Variants in TMEM163 observed in about 807,000 individuals in gnomAD.
TMEM163 encodes the protein transmembrane protein 163.
A neutral mutation model predicts 29.3 loss-of-function variants in TMEM163; 17 were observed. The observed-to-expected ratio is 0.58, with a 90% CI of 0.40 to 0.87. TMEM163 has a LOEUF of 0.87. Ranked by LOEUF, TMEM163 falls within the 40% of genes least tolerant of loss-of-function variation. The pLI, the probability that TMEM163 is intolerant of heterozygous loss-of-function variation, is 0.00. For missense variants in TMEM163, 303 were observed against 381.5 expected (o/e 0.79, Z 1.71); for synonymous variants, 157 against 160.6 (o/e 0.98, Z 0.17).
At chr2:134,649,192 AAACT>A (rs1349300664) in intron 2 of TMEM163, among the ~76,000 whole-genome samples, 1 of 152,240 alleles carries the variant, frequency 6.6e-6, no homozygotes, top group Non-Finnish European at 1.5e-5. Flanking sequence ...TAAAATTATC[AAACT>A]CACTAAAAAA....
chr2:134,530,965 T>C (rs545932367), intron 4 of TMEM163, among the ~76,000 whole-genome samples: 1 of 152,346 alleles, frequency 6.6e-6, no homozygotes, highest in South Asian at 2.1e-4. Context: ...CATATCCTTT[T>C]CTACATTTCC....
intron 4 of TMEM163, among the ~76,000 whole-genome samples, chr2:134,527,585 GAC>G (rs1036703976): frequency 6.6e-6 from 1 of 152,160 alleles, no homozygotes; most frequent in Non-Finnish European, 1.5e-5. Context: ...AAAAGTATGT[GAC>G]AGTGAGCCCA....
chr2:134,522,786 G>A (rs1421316777), intron 4 of TMEM163, among the ~76,000 whole-genome samples: 1 of 152,206 alleles, frequency 6.6e-6, no homozygotes, highest in African/African-American at 2.4e-5. Flanking sequence ...ACTGTTACAA[G>A]TACCCCATTT....
At chr2:134,706,502 C>T (rs1015936392) in intron 2 of TMEM163, among the ~76,000 whole-genome samples, 1 of 152,126 alleles carries the variant, frequency 6.6e-6, no homozygotes, top group African/African-American at 2.4e-5. Context: ...TATTGTGCAT[C>T]GAGTTCCTGA....
intron 2 of TMEM163, among the ~76,000 whole-genome samples, chr2:134,620,358 G>A (rs917528702): frequency 2.6e-5 from 4 of 151,858 alleles, no homozygotes; most frequent in African/African-American, 9.7e-5. Flanking sequence ...CCGGGTTCAA[G>A]CGCTTCTCCT....
At chr2:134,674,125 AAACAC>A (rs954898792) in intron 2 of TMEM163, among the ~76,000 whole-genome samples, 19 of 152,258 alleles carry the variant, frequency 1.2e-4, no homozygotes, top group Admixed American at 7.8e-4. Flanking sequence ...TTATGTGAAC[AAACAC>A]ATACTTTTGT....
chr2:134,635,857 T>C (rs1683091804), intron 2 of TMEM163, among the ~76,000 whole-genome samples: 1 of 152,026 alleles, frequency 6.6e-6, no homozygotes, highest in African/African-American at 2.4e-5. Context: ...ACCGTGTGGG[T>C]GTGGACACAT....
intron 5 of TMEM163, among the ~76,000 whole-genome samples, chr2:134,489,302 G>A (rs1288243870): frequency 6.6e-6 from 1 of 151,892 alleles, no homozygotes; most frequent in East Asian, 1.9e-4. Context: ...GGCCAGGCGT[G>A]ATGATGATGG....
At chr2:134,549,441 G>A (rs984134835) in intron 4 of TMEM163, among the ~76,000 whole-genome samples, 8 of 152,134 alleles carry the variant, frequency 5.3e-5, no homozygotes, top group African/African-American at 1.9e-4. Context: ...TCCACCTCCT[G>A]GGTTCAAGCA....
At chr2:134,613,963 A>G (rs1048017539) in intron 2 of TMEM163, among the ~76,000 whole-genome samples, 3 of 152,074 alleles carry the variant, frequency 2.0e-5, no homozygotes, top group African/African-American at 7.2e-5. Flanking sequence ...TTTTTTTTGT[A>G]GATATAGACA....
At chr2:134,523,473 T>C (rs1178981567) in intron 4 of TMEM163, among the ~76,000 whole-genome samples, 1 of 152,160 alleles carries the variant, frequency 6.6e-6, no homozygotes, top group Non-Finnish European at 1.5e-5. Context: ...TTAGAAAAAA[T>C]GCTTAAAAAG....
At chr2:134,682,203 A>C (rs1684261783) in intron 2 of TMEM163, among the ~76,000 whole-genome samples, 1 of 151,744 alleles carries the variant, frequency 6.6e-6, no homozygotes, top group South Asian at 2.1e-4. Context: ...CACATACAAC[A>C]CTCTTCTCAG....
At chr2:134,670,633 G>A (rs2104866324) in intron 2 of TMEM163, among the ~76,000 whole-genome samples, 1 of 152,312 alleles carries the variant, frequency 6.6e-6, no homozygotes, top group Admixed American at 6.5e-5. Context: ...ATGGCTGTGG[G>A]CAACAGCAGC....
chr2:134,641,282 C>T (rs1332890599), intron 2 of TMEM163, among the ~76,000 whole-genome samples: 2 of 152,084 alleles, frequency 1.3e-5, no homozygotes, highest in South Asian at 2.1e-4. Context: ...ACTGAATAGT[C>T]GACTGTAAGA....
intron 4 of TMEM163, among the ~76,000 whole-genome samples, chr2:134,517,950 G>GA (rs11307207): frequency 0.012 from 1,779 of 148,702 alleles, 14 homozygotes; most frequent in African/African-American, 0.02. Flanking sequence ...TTGTCAGATG[G>GA]AAAAAAAAAA....
rs141842435 is a variant in TMEM163 at position 134,543,107 on chromosome 2, G to A, written c.458+7463C>T. ...AGGACTTCAACATATCTTTTACGGG[G>A]ACACAATTTAGCCCATAACAGGAAC... is the stretch of plus-strand genomic sequence containing the variant. On this transcript the variant is annotated intron_variant, in intron 4 of 7. Transcript: ENST00000281924. Among the ~76,000 whole-genome samples the A allele has an allele frequency of 5.9e-5, 9 of 152,130 alleles. No individual in the cohort carries two copies. In the East Asian group the frequency reaches 1.7e-3, roughly 29 times the overall value.
At chr2:134,682,400 C>T (rs994567262) in intron 2 of TMEM163, among the ~76,000 whole-genome samples, 9 of 152,198 alleles carry the variant, frequency 5.9e-5, no homozygotes, top group African/African-American at 2.2e-4. Context: ...AAAGCTGTGT[C>T]TCAGTCTGCT....
At chr2:134,582,258 C>T (rs1168395411) in intron 2 of TMEM163, among the ~76,000 whole-genome samples, 1 of 152,116 alleles carries the variant, frequency 6.6e-6, no homozygotes, top group Non-Finnish European at 1.5e-5. Context: ...CCCAAATCCC[C>T]CAAAGAGCAT....
At chr2:134,519,229 A>C (rs915157018) in intron 4 of TMEM163, among the ~76,000 whole-genome samples, 13 of 152,198 alleles carry the variant, frequency 8.5e-5, no homozygotes, top group African/African-American at 3.1e-4. Context: ...CCCAAAAAGC[A>C]AGACTTCCCT....
Sources: allele counts gnomAD v4.1 joint callset (sites outside exome capture counted in the v4.1 genomes callset), GRCh38; gene constraint gnomAD v4.1.1; transcripts MANE v1.5; gene names NCBI Gene and HGNC (gene_info 2026-07-23, HGNC 2026-07-21).